The following BTBD10 variants were observed in gnomAD, a reference collection of about 807,000 sequenced individuals.
BTBD10 encodes the protein BTB domain containing 10, also known as BTB/POZ domain-containing protein 10.
Under a neutral mutation model 53.2 loss-of-function variants are expected in BTBD10, and 21 were observed. That is an observed-to-expected ratio of 0.39 (90% confidence interval 0.28 to 0.57). BTBD10 has a LOEUF of 0.57. Ranked by LOEUF, BTBD10 falls within the 20% of genes least tolerant of loss-of-function variation. The pLI is 0.53. For synonymous variants in BTBD10, 149 were observed against 192.7 expected, an observed-to-expected ratio of 0.77 and a Z score of 1.88; for missense variants, 360 against 594.7, an observed-to-expected ratio of 0.61 and a Z score of 4.10.
At chr11:13,415,917 G>A (rs1262607830) in intron 5 of BTBD10, among the ~76,000 whole-genome samples, 1 of 151,406 alleles carries the variant, frequency 6.6e-6, no homozygotes, top group Non-Finnish European at 1.5e-5. Flanking sequence ...TGGTCTCTTA[G>A]CGTGCTGGGA....
At chr11:13,423,811 T>G (rs1487107609) in intron 2 of BTBD10, among the ~76,000 whole-genome samples, 1 of 152,202 alleles carries the variant, frequency 6.6e-6, no homozygotes, top group African/African-American at 2.4e-5. Context: ...AAGATAAAGT[T>G]GACTTTGTAT....
At chr11:13,402,252 A>G (rs1949730524) in intron 8 of BTBD10, among the ~76,000 whole-genome samples, 1 of 152,140 alleles carries the variant, frequency 6.6e-6, no homozygotes. Context: ...CTATTCTCCA[A>G]CAGTTCAATC....
chr11:13,414,762 C>T (rs1005997575), intron 5 of BTBD10, among the ~76,000 whole-genome samples: 40 of 148,036 alleles, frequency 2.7e-4, no homozygotes, highest in African/African-American at 9.9e-4. Flanking sequence ...ATCACTTGAA[C>T]TCAGGAGGCA....
intron 1 of BTBD10, among the ~76,000 whole-genome samples, chr11:13,448,074 G>C (rs1950781687): frequency 6.6e-6 from 1 of 152,166 alleles, no homozygotes; most frequent in South Asian, 2.1e-4. Context: ...CTCAGTGACA[G>C]TATATTTGTC....
chr11:13,411,129 A>G (rs1949932982), intron 6 of BTBD10, among the ~76,000 whole-genome samples: 1 of 152,206 alleles, frequency 6.6e-6, no homozygotes, highest in South Asian at 2.1e-4. Flanking sequence ...GGAATACAAT[A>G]ATTTATTAGT....
At chr11:13,431,715 C>T (rs1173891336) in intron 2 of BTBD10, among the ~76,000 whole-genome samples, 2 of 152,070 alleles carry the variant, frequency 1.3e-5, no homozygotes, top group African/African-American at 2.4e-5. Context: ...AATATCTATT[C>T]ACATCAAACT....
At chr11:13,450,135 T>C (rs1009490218) in intron 1 of BTBD10, among the ~76,000 whole-genome samples, 1 of 152,112 alleles carries the variant, frequency 6.6e-6, no homozygotes, top group Non-Finnish European at 1.5e-5. Flanking sequence ...TAGAATTACA[T>C]AGTGATCCCA....
chr11:13,430,825 T>A (rs753366027), intron 2 of BTBD10, among the ~76,000 whole-genome samples: 3 of 152,202 alleles, frequency 2.0e-5, no homozygotes, highest in African/African-American at 7.2e-5. Flanking sequence ...CATAGAGTAC[T>A]GTATAGAGCG....
At chr11:13,393,185 G>T (rs573551242) in intron 8 of BTBD10, among the ~76,000 whole-genome samples, 2 of 152,148 alleles carry the variant, frequency 1.3e-5, no homozygotes, top group Non-Finnish European at 2.9e-5. Flanking sequence ...AAAGTAAGTA[G>T]AAGAGGCCTT....
At chr11:13,428,347 T>C (rs1416904464) in intron 2 of BTBD10, among the ~76,000 whole-genome samples, 10 of 152,056 alleles carry the variant, frequency 6.6e-5, no homozygotes, top group Admixed American at 6.5e-4. Context: ...ACTGACAAAT[T>C]CTACCAAGCA....
chr11:13,440,345 A>G, intron 2 of BTBD10: 3 of 1,062,016 alleles, frequency 2.8e-6, no homozygotes, highest in Non-Finnish European at 3.4e-6. Context: ...ATAGACAGGC[A>G]TAACAAAACG....
chr11:13,459,064 T>A (rs140762358), intron 1 of BTBD10, among the ~76,000 whole-genome samples: 18 of 116,772 alleles, frequency 1.5e-4, no homozygotes, highest in African/African-American at 1.7e-4. Flanking sequence ...ATTTATTTTT[T>A]TTTTTTTTTT....
intron 2 of BTBD10, among the ~76,000 whole-genome samples, chr11:13,425,308 A>G (rs1188489054): frequency 6.6e-6 from 1 of 152,226 alleles, no homozygotes; most frequent in African/African-American, 2.4e-5. Context: ...TTTAACATCA[A>G]GACCAAAAGG....
In BTBD10 at chr11:13,422,181, T is replaced by C. The variant is rs1380658990; in HGVS notation, c.102-343A>G. Among the ~76,000 whole-genome samples the C allele has an allele frequency of 3.3e-5, 5 of 152,284 alleles. No homozygotes were observed. The East Asian group carries it at 7.7e-4, about 24-fold the overall frequency. ...CAGATGTTCTTTTGATTTCCTTCAT[T>C]GTAGGGGAAGAAGAGAAGGCAAGAG... On this transcript the variant is annotated intron_variant, in intron 2 of 8. Coordinates refer to ENST00000278174, the MANE Select transcript of BTBD10 (RefSeq NM_032320.7).
chr11:13,410,644 A>C (rs1023893227), intron 6 of BTBD10, among the ~76,000 whole-genome samples: 1 of 152,250 alleles, frequency 6.6e-6, no homozygotes, highest in Non-Finnish European at 1.5e-5. Flanking sequence ...TGTTATTTAT[A>C]ACATAGTCAA....
chr11:13,418,661 T>A (rs920709355), intron 4 of BTBD10, among the ~76,000 whole-genome samples: 1 of 152,140 alleles, frequency 6.6e-6, no homozygotes, highest in African/African-American at 2.4e-5. Context: ...TTATTCTGTA[T>A]TGAGACAATG....
intron 3 of BTBD10, among the ~76,000 whole-genome samples, chr11:13,420,530 A>C (rs970914736): frequency 1.3e-5 from 2 of 152,186 alleles, no homozygotes; most frequent in Non-Finnish European, 2.9e-5. Flanking sequence ...ATAAAAACCA[A>C]GATTTTGTGA....
intron 1 of BTBD10, among the ~76,000 whole-genome samples, chr11:13,460,527 A>T (rs1181147748): frequency 6.6e-6 from 1 of 152,218 alleles, no homozygotes; most frequent in African/African-American, 2.4e-5. Flanking sequence ...GGTCAATTCC[A>T]CACGTCATTA....
intron 7 of BTBD10, among the ~76,000 whole-genome samples, chr11:13,403,599 C>T (rs1949756842): frequency 6.6e-6 from 1 of 152,084 alleles, no homozygotes. Context: ...ATAAGAGAAT[C>T]CAAAGAAGAT....
Sources: gnomAD v4.1 joint callset for allele counts (sites outside exome capture counted in the v4.1 genomes callset) on GRCh38, gnomAD v4.1.1 for gene constraint, MANE v1.5 for transcripts, NCBI Gene and HGNC (gene_info 2026-07-23, HGNC 2026-07-21) for gene names.